CACNA2D3: variants seen among roughly 807,000 people sequenced by gnomAD.
The protein encoded by CACNA2D3 is calcium voltage-gated channel auxiliary subunit alpha2delta 3.
CACNA2D3 carries 60 observed loss-of-function variants against 160.6 expected under a neutral mutation model. The ratio of observed to expected loss-of-function variants is 0.37; its 90% confidence interval spans 0.30 to 0.46. The LOEUF (loss-of-function observed/expected upper bound fraction) is 0.46, where lower values mean the gene tolerates loss of function less well. Among genes scored for constraint, CACNA2D3 ranks in the 20% least tolerant of loss-of-function variants. The pLI is 1.00. For synonymous variants in CACNA2D3, 558 were observed against 492.9 expected (o/e 1.13, Z -1.75); for missense variants, 1,205 against 1,365.0 (o/e 0.88, Z 1.85).
chr3:54,415,747 A>G (rs555485858), intron 4 of CACNA2D3, among the ~76,000 whole-genome samples: 59 of 152,308 alleles, frequency 3.9e-4, no homozygotes, highest in African/African-American at 1.4e-3. Flanking sequence ...GAGAAACTAA[A>G]GATTGAGAGG....
chr3:54,774,188 G>C (rs952007191), intron 13 of CACNA2D3, among the ~76,000 whole-genome samples: 1 of 152,178 alleles, frequency 6.6e-6, no homozygotes, highest in Non-Finnish European at 1.5e-5. Flanking sequence ...ACTAGATTCA[G>C]GGGTTGTATT....
At chr3:54,165,916 A>G (rs745951241) in intron 2 of CACNA2D3, among the ~76,000 whole-genome samples, 2 of 152,202 alleles carry the variant, frequency 1.3e-5, no homozygotes, top group Non-Finnish European at 2.9e-5. Flanking sequence ...AGAGGCAACC[A>G]TGTGGTCACC....
At chr3:54,736,072 T>C (rs1190451946) in intron 11 of CACNA2D3, among the ~76,000 whole-genome samples, 555 of 26,156 alleles carry the variant, frequency 0.021, 38 homozygotes, top group Non-Finnish European at 0.045. Context: ...TATATATATA[T>C]ACATATATAT....
chr3:54,289,692 A>G (rs1011456987), intron 2 of CACNA2D3, among the ~76,000 whole-genome samples: 1 of 152,228 alleles, frequency 6.6e-6, no homozygotes, highest in African/African-American at 2.4e-5. Flanking sequence ...ACAGCATGGT[A>G]GTGGTACCAA....
At chr3:54,786,194 A>G (rs920969845) in intron 13 of CACNA2D3, among the ~76,000 whole-genome samples, 6 of 152,190 alleles carry the variant, frequency 3.9e-5, no homozygotes, top group African/African-American at 1.4e-4. Flanking sequence ...TGCTTGGGCT[A>G]TTTTTAAATT....
At chr3:54,290,238 A>T (rs531783670) in intron 2 of CACNA2D3, among the ~76,000 whole-genome samples, 1 of 152,382 alleles carries the variant, frequency 6.6e-6, no homozygotes, top group Non-Finnish European at 1.5e-5. Flanking sequence ...CCCATCAGAA[A>T]GTGGGCGAAG....
At position 54,229,184 on chromosome 3, in the gene CACNA2D3, C is replaced by G. The variant is rs1477693130; in HGVS notation, c.205-91258C>G. Among the ~76,000 whole-genome samples the G allele has an allele frequency of 2.0e-5, 3 of 151,032 alleles. No homozygotes were observed. The East Asian group carries it at 5.8e-4, about 29-fold the overall frequency. On this transcript the variant is annotated intron_variant, in intron 2 of 37. Transcript: ENST00000474759. ...GGTTTCTATGAATTTGAAAGTATTT[C>G]AGCTAATTAATTTTTTTTTTTTTTT... is the stretch of plus-strand genomic sequence containing the variant.
intron 13 of CACNA2D3, among the ~76,000 whole-genome samples, chr3:54,785,381 T>A (rs1702617575): frequency 6.6e-6 from 1 of 152,152 alleles, no homozygotes; most frequent in African/African-American, 2.4e-5. Flanking sequence ...CAGCCATGTG[T>A]GAATTTCAAG....
chr3:54,974,674 A>G (rs1702345631), intron 29 of CACNA2D3, among the ~76,000 whole-genome samples: 1 of 152,198 alleles, frequency 6.6e-6, no homozygotes, highest in Admixed American at 6.5e-5. Context: ...CTTTTTTAAA[A>G]CATCAACTTC....
chr3:54,255,681 C>T (rs1702278307), intron 2 of CACNA2D3, among the ~76,000 whole-genome samples: 1 of 152,098 alleles, frequency 6.6e-6, no homozygotes, highest in Non-Finnish European at 1.5e-5. Context: ...TATTCCAGAA[C>T]CTTCCCTGTC....
At chr3:54,123,378 C>G in intron 1 of CACNA2D3, 135 bp from the exon 2 acceptor site, 136 of 648,448 alleles carry the variant, frequency 2.1e-4, no homozygotes, top group East Asian at 2.7e-4. Flanking sequence ...GCCGCTTTTT[C>G]TATCTTTTCT....
chr3:54,737,919 G>A (rs977837866), intron 11 of CACNA2D3, among the ~76,000 whole-genome samples: 1 of 152,136 alleles, frequency 6.6e-6, no homozygotes, highest in African/African-American at 2.4e-5. Flanking sequence ...ACCTGTCTCG[G>A]CCTCCCAAAG....
chr3:54,349,320 C>A (rs1467118857), intron 3 of CACNA2D3, among the ~76,000 whole-genome samples: 4 of 152,168 alleles, frequency 2.6e-5, no homozygotes, highest in African/African-American at 9.7e-5. Flanking sequence ...GCCTGGCCTC[C>A]TGCAACCATT....
intron 27 of CACNA2D3, among the ~76,000 whole-genome samples, chr3:54,952,880 GT>G (rs1411778769): frequency 6.6e-6 from 1 of 152,176 alleles, no homozygotes; most frequent in African/African-American, 2.4e-5. Flanking sequence ...GTTCTGGGTG[GT>G]TGAGATGACA....
intron 2 of CACNA2D3, among the ~76,000 whole-genome samples, chr3:54,299,276 A>T (rs1559914271): frequency 1.3e-5 from 2 of 151,744 alleles, no homozygotes; most frequent in South Asian, 4.2e-4. Flanking sequence ...AGGAGGGTAC[A>T]GGGCCCCACA....
At chr3:54,649,526 A>G (rs1490344755) in intron 11 of CACNA2D3, among the ~76,000 whole-genome samples, 1 of 152,236 alleles carries the variant, frequency 6.6e-6, no homozygotes, top group Non-Finnish European at 1.5e-5. Flanking sequence ...TATTGCTCAC[A>G]GTCCTGGAGG....
intron 27 of CACNA2D3, among the ~76,000 whole-genome samples, chr3:54,931,802 G>A (rs1701197356): frequency 6.6e-6 from 1 of 152,132 alleles, no homozygotes. Context: ...AAAAATCAAT[G>A]ATTATTAACC....
At chr3:54,541,192 G>A (rs1701970620) in intron 5 of CACNA2D3, among the ~76,000 whole-genome samples, 1 of 148,914 alleles carries the variant, frequency 6.7e-6, no homozygotes, top group African/African-American at 2.5e-5. Flanking sequence ...CAGGAGAATG[G>A]CGTGAACCTG....
intron 32 of CACNA2D3, among the ~76,000 whole-genome samples, chr3:55,007,323 A>G (rs1703119779): frequency 6.6e-6 from 1 of 152,222 alleles, no homozygotes; most frequent in Non-Finnish European, 1.5e-5. Flanking sequence ...CGTGGACGGC[A>G]TTAAAATCAG....
Sources: gnomAD v4.1 joint callset for allele counts (sites outside exome capture counted in the v4.1 genomes callset) on GRCh38, gnomAD v4.1.1 for gene constraint, MANE v1.5 for transcripts, NCBI Gene and HGNC (gene_info 2026-07-23, HGNC 2026-07-21) for gene names.